The following HDAC4 variants were observed in gnomAD, a reference collection of about 807,000 sequenced individuals.
HDAC4 encodes the protein histone deacetylase A.
HDAC4 carries 16 observed loss-of-function variants against 135.1 expected under a neutral mutation model. The ratio of observed to expected loss-of-function variants is 0.12; its 90% CI spans 0.08 to 0.18. The LOEUF is 0.18. Among genes scored for constraint, HDAC4 ranks in the 10% least tolerant of loss-of-function variants. The pLI is 1.00. For synonymous variants in HDAC4, 685 were observed against 653.4 expected (o/e 1.05, Z -0.74); for missense variants, 1,143 against 1,511.8 (o/e 0.76, Z 4.05).
chr2:239,081,259 G>T, intron 21 of HDAC4, 67 bp from the exon 22 acceptor site: 1 of 1,352,704 alleles, frequency 7.4e-7, no homozygotes, highest in Non-Finnish European at 1.0e-6. Flanking sequence ...AGGAACGCCT[G>T]ATGCAGGTGG....
rs138798677 is a variant in HDAC4, at chr2:239,138,597, A to T, written c.978+1087T>A. Among the ~76,000 whole-genome samples, 379 of 152,330 alleles carry T rather than the reference A, an allele frequency of 2.5e-3. 2 individuals are homozygous for T. Among genetic ancestry groups the T allele is most frequent in the African/African-American group, 8.6e-3 (359 of 41,568 alleles). ...AACTCATCAGAAAACTCACTGCTAA[A>T]GCGTACCCCTCCCACCCCTGCCCTG... On this transcript the variant is annotated intron_variant, in intron 9 of 26. Coordinates refer to ENST00000543185, the MANE Select transcript of HDAC4 (RefSeq NM_001378414.1).
chr2:239,354,150 C>T (rs1693339646), intron 1 of HDAC4, among the ~76,000 whole-genome samples: 2 of 152,196 alleles, frequency 1.3e-5, no homozygotes. Flanking sequence ...CCATACGAAC[C>T]TCTAGTGATA....
intron 14 of HDAC4, 114 bp downstream of exon 14, chr2:239,111,412 G>A (rs2038658893): frequency 2.8e-6 from 3 of 1,082,556 alleles, no homozygotes; most frequent in East Asian, 5.2e-5. Context: ...CGTGGCCCTC[G>A]TGCCTGCCCA....
At chr2:239,103,384 G>A (rs2037835362) in intron 15 of HDAC4, among the ~76,000 whole-genome samples, 1 of 152,234 alleles carries the variant, frequency 6.6e-6, no homozygotes, top group African/African-American at 2.4e-5. Context: ...TGGCTAGCTG[G>A]CATCCGGCTG....
At position 239,313,496 on chromosome 2, in the gene HDAC4, T is replaced by C. The variant is rs920702264; in HGVS notation, c.22+39182A>G. Among the ~76,000 whole-genome samples the C allele has an allele frequency of 3.9e-5, 6 of 152,024 alleles. No individual in the cohort carries two copies. Among genetic ancestry groups the C allele is most frequent in the Non-Finnish European group, 1.5e-5 (1 of 67,996 alleles). On this transcript the variant is annotated intron_variant, in intron 2 of 26. Coordinates refer to ENST00000543185, the MANE Select transcript of HDAC4 (RefSeq NM_001378414.1). This position sits in a 1 kb window ranked among gnomAD's most constrained non-coding sequence, Gnocchi z 5.1. ...CCCACCGAGCACTGATACCGCAGGC[T>C]GGACTCTTCCTAACCTCACGAGAGG...
intron 19 of HDAC4, 137 bp downstream of exon 19, chr2:239,087,422 G>T: frequency 1.2e-6 from 1 of 805,132 alleles, no homozygotes. Context: ...CTGGAGCCAA[G>T]CCGGCATGCG....
At chr2:239,254,783 A>G (rs1385081316) in intron 2 of HDAC4, among the ~76,000 whole-genome samples, 1 of 152,266 alleles carries the variant, frequency 6.6e-6, no homozygotes, top group Non-Finnish European at 1.5e-5. Flanking sequence ...CCTTAGATTT[A>G]AGAAGCATGC....
chr2:239,339,073 T>C (rs539278124), intron 2 of HDAC4, among the ~76,000 whole-genome samples: 11 of 152,318 alleles, frequency 7.2e-5, no homozygotes, highest in African/African-American at 2.6e-4. Context: ...AAGAAAACAA[T>C]GGTAAAGATG....
intron 3 of HDAC4, among the ~76,000 whole-genome samples, chr2:239,193,599 C>T (rs1166621377): frequency 3.9e-5 from 6 of 152,200 alleles, no homozygotes; most frequent in Non-Finnish European, 7.3e-5. Context: ...GTCATGGGGA[C>T]GGGGGAGCCC....
At position 239,049,312 on chromosome 2, in the gene HDAC4, T is replaced by C. The variant is rs546746017; in HGVS notation, c.*3785A>G. ...TACAGAAAAATTTCCATCTTTTGTA[T>C]CTGCAAATGTCATGAGAGGGGAACA... On this transcript the variant is annotated 3_prime_UTR_variant, in exon 27 of 27. Coordinates refer to ENST00000543185, the MANE Select transcript of HDAC4 (RefSeq NM_001378414.1). 1 of 152,608 alleles carries C rather than the reference T, an allele frequency of 6.6e-6. No individual in the cohort carries two copies. Among genetic ancestry groups the C allele is most frequent in the Non-Finnish European group, 1.5e-5 (1 of 68,038 alleles). The allele number at this position is 152,608 out of a possible 1,614,324, so 9.5% of individuals were successfully genotyped here. A position where few individuals can be genotyped will look rare whatever the true frequency, so the allele number is the denominator to read the frequency against.
chr2:239,285,667 C>T lies in HDAC4; in HGVS notation c.23-49003G>A, dbSNP rs1444762740. 2.0e-5 allele frequency among the ~76,000 whole-genome samples: 3 copies of T among 152,072 alleles called. No homozygotes were observed. Among genetic ancestry groups the T allele is most frequent in the Non-Finnish European group, 4.4e-5 (3 of 67,996 alleles). On this transcript the variant is annotated intron_variant, in intron 2 of 26. Coordinates refer to ENST00000543185, the MANE Select transcript of HDAC4 (RefSeq NM_001378414.1). This position sits in a 1 kb window ranked among gnomAD's most constrained non-coding sequence, Gnocchi z 4.5. ...TGTGCTGTGGAAACCCCAGGTTCTG[C>T]ATAAGACATACCTTCTGTCACACTG... is the stretch of plus-strand genomic sequence containing the variant.
chr2:239,156,685 C>T lies in HDAC4; in HGVS notation c.700G>A (p.Asp234Asn), dbSNP rs549858743. ...CTAAGAGGGAAGTCATCTTTGGCGT[C>T]GTACATTCCCAGGACCGGGTGGTTA... is the stretch of plus-strand genomic sequence containing the variant. The part of the protein sequence containing the change: ...SYNHPVLGMY[D>N]AKDDFPLRKT... Residue 234 changes from aspartate to asparagine, a missense_variant, in exon 7 of 27, where the codon GAC becomes AAC. By Grantham distance (23) the Asp-to-Asn change is conservative (BLOSUM62 1). Around this residue, in one of 9 missense-constraint regions of HDAC4, gnomAD observed 247 missense variants for 310.0 expected, o/e 0.80. Transcript: ENST00000543185. 19 of 1,614,112 alleles carry T rather than the reference C, an allele frequency of 1.2e-5. No homozygotes were observed. The East Asian group carries it at 1.8e-4, about 15-fold the overall frequency.
At chr2:239,283,071 T>C (rs1399677862) in intron 2 of HDAC4, among the ~76,000 whole-genome samples, 1 of 152,046 alleles carries the variant, frequency 6.6e-6, no homozygotes, top group Non-Finnish European at 1.5e-5. Context: ...AAACAAAACA[T>C]GTGATGTTCC....
chr2:239,325,617 G>C (rs958180544), intron 2 of HDAC4, among the ~76,000 whole-genome samples: 2 of 152,188 alleles, frequency 1.3e-5, no homozygotes, highest in African/African-American at 4.8e-5. Context: ...TACGTGGTGG[G>C]CAGGAACATA....
chr2:239,066,307 C>T (rs2033473369), intron 24 of HDAC4, among the ~76,000 whole-genome samples: 1 of 152,178 alleles, frequency 6.6e-6, no homozygotes, highest in Non-Finnish European at 1.5e-5. Flanking sequence ...CCCCAGCCTG[C>T]CTTGGGGCCA....
intron 3 of HDAC4, among the ~76,000 whole-genome samples, chr2:239,208,326 C>CAAAAAAAAAAAAAAAAAA (rs759398313): frequency 1.6e-4 from 11 of 68,214 alleles, no homozygotes; most frequent in East Asian, 8.4e-4. Flanking sequence ...GACTCCGTCC[C>CAAAAAAAAAAAAAAAAAA]AAAAAAAAAA....
rs2033788811 is a variant in HDAC4 at position 239,068,319 on chromosome 2, T to C, written c.2869+170A>G. Among the ~76,000 whole-genome samples, 1 of 152,122 alleles carries C rather than the reference T, an allele frequency of 6.6e-6. No individual in the cohort carries two copies. Among genetic ancestry groups the C allele is most frequent in the Non-Finnish European group, 1.5e-5 (1 of 67,986 alleles). On this transcript the variant is annotated intron_variant, in intron 23 of 26. Coordinates refer to ENST00000543185, the MANE Select transcript of HDAC4 (RefSeq NM_001378414.1). This position sits in a 1 kb window ranked among gnomAD's most constrained non-coding sequence, Gnocchi z 4.4. ...TGAGCTCCCGCTGCCTGCTCTGGGCTCTCTGGGGCCTCCCAAATGGACTGG... is the reference window on the plus strand; with the variant it reads ...TGAGCTCCCGCTGCCTGCTCTGGGCCCTCTGGGGCCTCCCAAATGGACTGG...
At chr2:239,151,536 G>A (rs1010356581) in intron 7 of HDAC4, among the ~76,000 whole-genome samples, 3 of 152,060 alleles carry the variant, frequency 2.0e-5, no homozygotes, top group Non-Finnish European at 4.4e-5. Flanking sequence ...AGAGCTAGAT[G>A]AACACTTTTC....
chr2:239,199,259 T>G (rs1053681265), intron 3 of HDAC4, among the ~76,000 whole-genome samples: 1 of 151,740 alleles, frequency 6.6e-6, no homozygotes, highest in Non-Finnish European at 1.5e-5. Context: ...AGAGGCAGCT[T>G]AGACTTCCCA....
Sources: gnomAD v4.1 joint callset for allele counts (sites outside exome capture counted in the v4.1 genomes callset) on GRCh38, gnomAD v4.1.1 for gene constraint, gnomAD v4.1.1 regional missense constraint, Gnocchi (gnomAD v3.1) non-coding constraint, MANE v1.5 for transcripts, NCBI Gene and HGNC (gene_info 2026-07-23, HGNC 2026-07-21) for gene names.